The following ABHD17B variants were observed in gnomAD, a reference collection of about 807,000 sequenced individuals.
ABHD17B encodes abhydrolase domain containing 17B, depalmitoylase.
In ABHD17B, 9 loss-of-function variants were observed where a neutral mutation model predicts 26.2. The ratio of observed to expected loss-of-function variants is 0.34; its 90% CI spans 0.21 to 0.60. The LOEUF (loss-of-function observed/expected upper bound fraction) is 0.60. Among genes scored for constraint, ABHD17B ranks in the 20% least tolerant of loss-of-function variants. The pLI is 0.80. For missense variants in ABHD17B, 224 were observed against 352.1 expected (o/e 0.64, Z 2.91); for synonymous variants, 127 against 122.3 (o/e 1.04, Z -0.25).
intron 1 of ABHD17B, among the ~76,000 whole-genome samples, chr9:71,899,982 C>T (rs555630949): frequency 1.3e-5 from 2 of 152,156 alleles, no homozygotes; most frequent in South Asian, 4.1e-4. Context: ...CAAGCCAGAA[C>T]AGTATCAGAT....
At position 71,865,317 on chromosome 9, in the gene ABHD17B, T is replaced by C. The variant is rs1363381999; in HGVS notation, c.*1470A>G. 1.1e-5 allele frequency: 11 copies of C among 985,250 alleles called. No individual in the cohort carries two copies. Among genetic ancestry groups the C allele is most frequent in the Non-Finnish European group, 1.3e-5 (11 of 829,498 alleles). The allele number at this position is 985,250 out of a possible 1,614,324, so 61.0% of individuals were successfully genotyped here. On this transcript the variant is annotated 3_prime_UTR_variant, in exon 4 of 4. Coordinates refer to ENST00000333421, the MANE Select transcript of ABHD17B (RefSeq NM_001025780.3). ...AAGGCCTTAAAATATATCCACAGTG[T>C]GTATTATTTCCATATTCATTCATTT... is the stretch of plus-strand genomic sequence containing the variant.
intron 1 of ABHD17B, among the ~76,000 whole-genome samples, chr9:71,901,124 C>G: frequency 6.6e-6 from 1 of 152,070 alleles, no homozygotes; most frequent in Non-Finnish European, 1.5e-5. Context: ...TGCACTCCAG[C>G]CTGGAAGACA....
intron 1 of ABHD17B, among the ~76,000 whole-genome samples, chr9:71,882,761 G>A (rs1826485915): frequency 6.6e-6 from 1 of 152,044 alleles, no homozygotes; most frequent in South Asian, 2.1e-4. Flanking sequence ...ATAACTAAAG[G>A]ATAACAGGTT....
rs140443920 is a variant in ABHD17B at position 71,900,853 on chromosome 9, A to C, written c.-4+9781T>G. Among the ~76,000 whole-genome samples the C allele has an allele frequency of 2.4e-3, 372 of 151,854 alleles. 4 individuals carry two copies. Among genetic ancestry groups the C allele is most frequent in the Non-Finnish European group, 4.3e-3 (295 of 67,934 alleles). On this transcript the variant is annotated intron_variant, in intron 1 of 3. Coordinates refer to ENST00000333421, the MANE Select transcript of ABHD17B (RefSeq NM_001025780.3). ...ACATCAGAGTTCATGCACTTGCCTA[A>C]AAAATGTTTGCATGGGCTGGGTGCA...
rs1825931065 is a variant in ABHD17B at position 71,865,473 on chromosome 9, A to G, written c.*1314T>C. ...ATTTTTTTACTATATTGGTTAATAT[A>G]AAAGTTATGAATTAAACGTATTCTT... On this transcript the variant is annotated 3_prime_UTR_variant, in exon 4 of 4. Transcript: ENST00000333421. 2.0e-6 allele frequency: 2 copies of G among 983,538 alleles called. No individual in the cohort carries two copies. Among genetic ancestry groups the G allele is most frequent in the Non-Finnish European group, 2.4e-6 (2 of 828,170 alleles). 60.9% of individuals were successfully genotyped at this position (983,538 alleles called of 1,614,324 possible).
At chr9:71,868,137 T>G (rs1424501738) in intron 3 of ABHD17B, among the ~76,000 whole-genome samples, 1 of 151,960 alleles carries the variant, frequency 6.6e-6, no homozygotes, top group African/African-American at 2.4e-5. Context: ...GAGAATCACT[T>G]GAACCCTGGA....
At position 71,866,595 on chromosome 9, in the gene ABHD17B, C is replaced by G. The variant is rs1825962124; in HGVS notation, c.*192G>C. 7.1e-7 allele frequency: 1 copy of G among 1,415,884 alleles called. No individual in the cohort carries two copies. The highest frequency in any genetic ancestry group is 9.2e-7 in the Non-Finnish European group (1 of 1,089,690). The allele number at this position is 1,415,884 out of a possible 1,614,324, so 87.7% of individuals were successfully genotyped here. ...AAATATAAATTACACAGCCTGACTG[C>G]ACGGTACTGTTATTTCCAGTTTTTA... On this transcript the variant is annotated 3_prime_UTR_variant, in exon 4 of 4. Transcript: ENST00000333421.
At chr9:71,879,286 G>A (rs1436501469) in intron 1 of ABHD17B, among the ~76,000 whole-genome samples, 1 of 152,208 alleles carries the variant, frequency 6.6e-6, no homozygotes, top group African/African-American at 2.4e-5. Flanking sequence ...GGAGCAAGGA[G>A]GGTGAAGACA....
At chr9:71,894,450 G>A (rs2132187210) in intron 1 of ABHD17B, among the ~76,000 whole-genome samples, 1 of 152,182 alleles carries the variant, frequency 6.6e-6, no homozygotes, top group South Asian at 2.1e-4. Context: ...GGTTCAAGTA[G>A]GCTCTGCCTC....
At chr9:71,900,858 T>C (rs1827115835) in intron 1 of ABHD17B, among the ~76,000 whole-genome samples, 1 of 151,548 alleles carries the variant, frequency 6.6e-6, no homozygotes, top group Non-Finnish European at 1.5e-5. Flanking sequence ...GCCTAAAAAA[T>C]GTTTGCATGG....
intron 1 of ABHD17B, among the ~76,000 whole-genome samples, chr9:71,878,571 A>G (rs1313347749): frequency 6.6e-6 from 1 of 152,210 alleles, no homozygotes; most frequent in Non-Finnish European, 1.5e-5. Flanking sequence ...CAATGGAGAG[A>G]TAATTTTAAG....
intron 1 of ABHD17B, among the ~76,000 whole-genome samples, chr9:71,901,894 T>C (rs1286754365): frequency 6.6e-6 from 1 of 152,190 alleles, no homozygotes; most frequent in Non-Finnish European, 1.5e-5. Flanking sequence ...GTTTAAAATG[T>C]TCCAATGGGC....
chr9:71,864,100 GCTGTTTCCTTTTT>G (rs1165081772), downstream of ABHD17B, among the ~76,000 whole-genome samples: 2 of 151,390 alleles, frequency 1.3e-5, no homozygotes, highest in Non-Finnish European at 2.9e-5. Flanking sequence ...CTTGACAAGT[GCTGTTTCCTTTTT>G]CTATCAATGG....
chr9:71,900,689 A>C (rs1827110060), intron 1 of ABHD17B, among the ~76,000 whole-genome samples: 2 of 149,040 alleles, frequency 1.3e-5, no homozygotes, highest in Non-Finnish European at 3.0e-5. Flanking sequence ...ACTTCTCCAC[A>C]GGTCCTTAAA....
chr9:71,898,605 C>G (rs1483573443), intron 1 of ABHD17B, among the ~76,000 whole-genome samples: 1 of 152,148 alleles, frequency 6.6e-6, no homozygotes, highest in Non-Finnish European at 1.5e-5. Flanking sequence ...TGCCTTTGCA[C>G]TCCAGCCTGG....
chr9:71,865,170 T>C lies in ABHD17B; in HGVS notation c.*1617A>G. 1 of 985,496 alleles carries C rather than the reference T, an allele frequency of 1.0e-6. No homozygotes were observed. 61.0% of individuals were successfully genotyped at this position (985,496 alleles called of 1,614,324 possible). On this transcript the variant is annotated 3_prime_UTR_variant, in exon 4 of 4. Transcript: ENST00000333421. Reference sequence around the variant, plus strand: ...GCACAGGTCAGTGGTATATTTGTTGTTTTACTGTTAATTTGACACATCTGA... The same window carrying C: ...GCACAGGTCAGTGGTATATTTGTTGCTTTACTGTTAATTTGACACATCTGA...
Position 71,910,975 on chromosome 9 carries a change from C to A in ABHD17B, c.-345G>T. The A allele has an allele frequency of 6.5e-6, 1 of 154,266 alleles. No homozygotes were observed. Among genetic ancestry groups the A allele is most frequent in the South Asian group, 1.8e-4 (1 of 5,592 alleles). The allele number at this position is 154,266 out of a possible 1,614,324, so 9.6% of individuals were successfully genotyped here. ...GTCGGTTGCTCTCGGGCCTCACGTC[C>A]CGCGCGGCCGTGGTCGCAGCCGCCG... On this transcript the variant is annotated 5_prime_UTR_variant, in exon 1 of 4. Coordinates refer to ENST00000333421, the MANE Select transcript of ABHD17B (RefSeq NM_001025780.3).
At position 71,874,861 on chromosome 9, in the gene ABHD17B, T is replaced by C; in HGVS notation, c.220A>G (p.Ser74Gly). The C allele has an allele frequency of 6.2e-7, 1 of 1,614,230 alleles. No individual in the cohort carries two copies. Among genetic ancestry groups the C allele is most frequent in the Non-Finnish European group, 8.5e-7 (1 of 1,180,042 alleles). The change falls in exon 2 of 4, where the codon AGT (serine) becomes GGT (glycine). Residue 74 changes from serine (S) to glycine (G), a missense_variant. Coordinates refer to ENST00000333421, the MANE Select transcript of ABHD17B (RefSeq NM_001025780.3). Reference protein sequence around the residue: ...DAIECFMTRTSKGNRIACMFV... With the variant: ...DAIECFMTRTGKGNRIACMFV... Reference sequence around the variant, plus strand: ...ATACAAGCAATTCTGTTGCCTTTACTGGTTCTAGTCATGAAACACTCAATA... The same window carrying C: ...ATACAAGCAATTCTGTTGCCTTTACCGGTTCTAGTCATGAAACACTCAATA...
At position 71,910,942 on chromosome 9, in the gene ABHD17B, C is replaced by G. The variant is rs1260118762; in HGVS notation, c.-312G>C. 6.5e-6 allele frequency: 1 copy of G among 152,786 alleles called. No homozygotes were observed. The highest frequency in any genetic ancestry group is 6.5e-5 in the Admixed American group (1 of 15,280). The allele number at this position is 152,786 out of a possible 1,614,324, so 9.5% of individuals were successfully genotyped here. A position where few individuals can be genotyped will look rare whatever the true frequency, so the allele number is the denominator to read the frequency against. On this transcript the variant is annotated 5_prime_UTR_variant, in exon 1 of 4. Coordinates refer to ENST00000333421, the MANE Select transcript of ABHD17B (RefSeq NM_001025780.3). The stretch of plus-strand genomic sequence containing the variant: ...CGGTGCGGGGCGCTGGAGCGGCCGC[C>G]GCTGCCCGTCGGTTGCTCTCGGGCC...
Sources: gnomAD v4.1 joint callset for allele counts (sites outside exome capture counted in the v4.1 genomes callset) on GRCh38, gnomAD v4.1.1 for gene constraint, MANE v1.5 for transcripts, NCBI Gene and HGNC (gene_info 2026-07-23, HGNC 2026-07-21) for gene names.